BLOC1S3: variants seen among roughly 807,000 people sequenced by gnomAD.
BLOC1S3 encodes the protein biogenesis of lysosome-related organelles complex 1 subunit 3.
Under a neutral mutation model 9.1 loss-of-function variants are expected in BLOC1S3, and 7 were observed. The observed-to-expected ratio is 0.77, with a 90% CI of 0.44 to 1.45. The LOEUF is 1.45. Ranked by LOEUF, BLOC1S3 falls within the 40% of genes most tolerant of loss-of-function variation. The pLI, the probability that BLOC1S3 is intolerant of heterozygous loss-of-function variation, is 0.01. For missense variants in BLOC1S3, 307 were observed against 315.2 expected, an observed-to-expected ratio of 0.97 and a Z score of 0.20; for synonymous variants, 145 against 158.4, an observed-to-expected ratio of 0.92 and a Z score of 0.64.
intron 2 of BLOC1S3, among the ~76,000 whole-genome samples, chr19:45,200,857 T>C (rs1175057406): frequency 6.6e-6 from 1 of 152,218 alleles, no homozygotes; most frequent in Non-Finnish European, 1.5e-5. Flanking sequence ...TGCAGCTGTA[T>C]CTGCATTAGG....
rs183345679 is a variant in BLOC1S3, at chr19:45,190,741, A to G, written n.180+3001A>G. 1.2e-3 allele frequency among the ~76,000 whole-genome samples: 179 copies of G among 146,784 alleles called. 1 individual carries two copies. The highest frequency in any genetic ancestry group is 4.1e-3 in the African/African-American group (163 of 40,168). Reference sequence around the variant, plus strand: ...CAATTATCTGTCTGAAAGGTCACGTATCTCTGTCTCTCTATGATTGGTCAC... The same window carrying G: ...CAATTATCTGTCTGAAAGGTCACGTGTCTCTGTCTCTCTATGATTGGTCAC... On this transcript the variant is annotated intron_variant and non_coding_transcript_variant, in intron 2 of 3. Transcript: ENST00000591569.
intron 3 of BLOC1S3, chr19:45,213,138 G>C: frequency 6.3e-7 from 1 of 1,582,034 alleles, no homozygotes; most frequent in South Asian, 1.1e-5. Flanking sequence ...AACTGGGCCT[G>C]GCCAGCCGGG....
chr19:45,216,659 A>G (rs1199689614), intron 3 of BLOC1S3: 1 of 153,444 alleles, frequency 6.5e-6, no homozygotes, highest in Non-Finnish European at 1.5e-5. Flanking sequence ...AAAATCCATA[A>G]TATAATCTCC....
At chr19:45,199,589 C>T (rs949201212) in intron 2 of BLOC1S3, among the ~76,000 whole-genome samples, 14 of 152,042 alleles carry the variant, frequency 9.2e-5, no homozygotes, top group African/African-American at 2.4e-4. Context: ...GCTGGGATTA[C>T]AGGTGTGAGC....
chr19:45,187,636 G>A (rs1969575057), exon 2 of BLOC1S3: 2 of 152,226 alleles, frequency 1.3e-5, no homozygotes, highest in South Asian at 2.1e-4. Flanking sequence ...GAAGCTGCTC[G>A]ACTGTGAGAA....
chr19:45,213,408 A>G, intron 3 of BLOC1S3: 1 of 1,596,346 alleles, frequency 6.3e-7, no homozygotes, highest in Non-Finnish European at 8.5e-7. Context: ...CTCTAGACAC[A>G]CACCCAACCC....
intron 2 of BLOC1S3, among the ~76,000 whole-genome samples, chr19:45,191,814 G>A (rs984925157): frequency 6.6e-6 from 1 of 152,206 alleles, no homozygotes; most frequent in Non-Finnish European, 1.5e-5. Flanking sequence ...CTGGAGCTGG[G>A]GGAAGGGTGA....
chr19:45,205,604 T>C (rs1350289239), intron 3 of BLOC1S3, among the ~76,000 whole-genome samples: 1 of 152,212 alleles, frequency 6.6e-6, no homozygotes, highest in African/African-American at 2.4e-5. Flanking sequence ...AAGTTCATTA[T>C]GTACAAGCAT....
downstream of BLOC1S3, among the ~76,000 whole-genome samples, chr19:45,186,155 C>T (rs995507454): frequency 1.3e-5 from 2 of 151,876 alleles, no homozygotes; most frequent in Admixed American, 1.3e-4. Context: ...GTGGAGGGTG[C>T]ATGGGAGGGG....
intron 3 of BLOC1S3, among the ~76,000 whole-genome samples, chr19:45,215,786 G>C (rs866894197): frequency 6.6e-6 from 1 of 152,252 alleles, no homozygotes; most frequent in Admixed American, 6.5e-5. Context: ...GCTCCCCTGC[G>C]GGCTGGCCCT....
At chr19:45,183,432 C>T (rs571188432), downstream of BLOC1S3, among the ~76,000 whole-genome samples, 10 of 150,066 alleles carry the variant, frequency 6.7e-5, no homozygotes, top group East Asian at 1.2e-3. Flanking sequence ...GCCAAGATTG[C>T]GCCACTGCAC....
In BLOC1S3 at chr19:45,181,397, A is replaced by AG. The variant is rs1969519848; in HGVS notation, c.*1494dup. 1 of 167,144 alleles carries AG rather than the reference A, an allele frequency of 6.0e-6. No homozygotes were observed. The highest frequency in any genetic ancestry group is 2.4e-5 in the African/African-American group (1 of 41,450). The allele number at this position is 167,144 out of a possible 1,614,324, so 10.4% of individuals were successfully genotyped here. On this transcript the variant is annotated 3_prime_UTR_variant, in exon 2 of 2. Coordinates refer to ENST00000433642, the MANE Select transcript of BLOC1S3 (RefSeq NM_212550.5). ...TGCTCGCTCTCAACTCTGTAGGCCAAGGTGGCGTCTCCTCTTGACTCTCCA... is the reference window on the plus strand; with the variant it reads ...TGCTCGCTCTCAACTCTGTAGGCCAAGGGTGGCGTCTCCTCTTGACTCTCCA...
chr19:45,184,592 T>A (rs139408695), downstream of BLOC1S3, among the ~76,000 whole-genome samples: 3,847 of 151,488 alleles, frequency 0.025, 172 homozygotes, highest in African/African-American at 0.087. Context: ...GGCAACAGAG[T>A]GAGACCTTGT....
intron 3 of BLOC1S3, among the ~76,000 whole-genome samples, chr19:45,207,538 A>C (rs944928833): frequency 1.6e-4 from 22 of 134,456 alleles, no homozygotes; most frequent in Non-Finnish European, 2.6e-4. Flanking sequence ...TGTGGGTGAC[A>C]GAGCGAGACT....
downstream of BLOC1S3, among the ~76,000 whole-genome samples, chr19:45,185,480 A>C (rs1969560188): frequency 6.6e-6 from 1 of 152,148 alleles, no homozygotes; most frequent in East Asian, 1.9e-4. Context: ...GTGCAGGATG[A>C]GAGGGTCAGA....
At chr19:45,213,016 T>G in intron 3 of BLOC1S3, 3 of 1,420,192 alleles carry the variant, frequency 2.1e-6, no homozygotes, top group East Asian at 2.6e-5. Context: ...GTACGGGAGG[T>G]TGGCTTGTCA....
intron 3 of BLOC1S3, among the ~76,000 whole-genome samples, chr19:45,207,129 G>A (rs767522620): frequency 2.6e-5 from 4 of 151,032 alleles, no homozygotes; most frequent in African/African-American, 4.9e-5. Flanking sequence ...AAGCCACCGC[G>A]CCCAGCTATT....
downstream of BLOC1S3, among the ~76,000 whole-genome samples, chr19:45,183,162 C>T (rs1431211231): frequency 6.6e-6 from 1 of 151,834 alleles, no homozygotes; most frequent in Non-Finnish European, 1.5e-5. Flanking sequence ...CCAGAAGGGG[C>T]CAGATAAAGG....
At chr19:45,212,108 G>A (rs1232546806) in intron 3 of BLOC1S3, among the ~76,000 whole-genome samples, 1 of 152,218 alleles carries the variant, frequency 6.6e-6, no homozygotes, top group East Asian at 1.9e-4. Flanking sequence ...GAGCCACCAG[G>A]ACCAGGAATG....
Sources: allele counts gnomAD v4.1 joint callset (sites outside exome capture counted in the v4.1 genomes callset), GRCh38; gene constraint gnomAD v4.1.1; transcripts MANE v1.5; gene names NCBI Gene and HGNC (gene_info 2026-07-23, HGNC 2026-07-21).